ATRNL1: variants seen among roughly 807,000 people sequenced by gnomAD.
ATRNL1 encodes the protein attractin-like protein 1.
ATRNL1 carries 95 observed loss-of-function variants against 182.7 expected under a neutral mutation model. The observed-to-expected ratio is 0.52, with a 90% CI of 0.44 to 0.62. The LOEUF (loss-of-function observed/expected upper bound fraction) is 0.62, where lower values mean the gene tolerates loss of function less well. Among genes scored for constraint, ATRNL1 ranks in the 20% least tolerant of loss-of-function variants. The probability of loss-of-function intolerance (pLI) is 0.00; values close to 1 mark genes in which losing one functional copy is unlikely to be tolerated. For missense variants in ATRNL1, 1,471 were observed against 1,679.5 expected (o/e 0.88, Z 2.17); for synonymous variants, 576 against 568.3 (o/e 1.01, Z -0.19).
At chr10:115,103,512 G>A (rs568728785) in intron 1 of ATRNL1, among the ~76,000 whole-genome samples, 51 of 151,930 alleles carry the variant, frequency 3.4e-4, no homozygotes, top group East Asian at 1.7e-3. Context: ...TTGTGGTTAC[G>A]TTATAGGTGT....
intron 19 of ATRNL1, among the ~76,000 whole-genome samples, chr10:115,389,999 T>A (rs1158660504): frequency 2.0e-5 from 3 of 152,018 alleles, no homozygotes; most frequent in South Asian, 2.1e-4. Context: ...TGTCTGCTTT[T>A]AAAAAAAATT....
At chr10:115,128,294 T>C (rs1387225290) in intron 4 of ATRNL1, 1 of 155,322 alleles carries the variant, frequency 6.4e-6, no homozygotes, top group Non-Finnish European at 1.4e-5. Context: ...ATTATATGCC[T>C]GATACTTTAT....
At chr10:115,304,994 T>C (rs180711852) in intron 17 of ATRNL1, among the ~76,000 whole-genome samples, 111 of 152,082 alleles carry the variant, frequency 7.3e-4, no homozygotes, top group Non-Finnish European at 1.3e-3. Flanking sequence ...CTGCCTAAAA[T>C]AATTTCTTAA....
chr10:115,802,021 A>AAC lies in ATRNL1; in HGVS notation c.3904-45832_3904-45831dup, dbSNP rs60513803. 2.4e-3 allele frequency among the ~76,000 whole-genome samples: 303 copies of AAC among 125,978 alleles called. 5 individuals carry two copies. The highest frequency in any genetic ancestry group is 4.7e-3 in the East Asian group (19 of 4,066). 82.6% of individuals were successfully genotyped at this position (125,978 alleles called of 152,430 possible). ...AAAAACTTGCCTTAAAAAAAAAAGAAACACACACACACACACACACACACA... is the reference window on the plus strand; with the variant it reads ...AAAAACTTGCCTTAAAAAAAAAAGAAACACACACACACACACACACACACACA... On this transcript the variant is annotated intron_variant, in intron 27 of 28. Coordinates refer to ENST00000355044, the MANE Select transcript of ATRNL1 (RefSeq NM_207303.4).
At chr10:115,202,207 A>G (rs1554892568) in intron 8 of ATRNL1, among the ~76,000 whole-genome samples, 1 of 151,916 alleles carries the variant, frequency 6.6e-6, no homozygotes, top group African/African-American at 2.4e-5. Flanking sequence ...TCTTTTCCTA[A>G]TTGAATACCC....
At chr10:115,935,629 G>T (rs1053945518) in intron 28 of ATRNL1, among the ~76,000 whole-genome samples, 4 of 152,010 alleles carry the variant, frequency 2.6e-5, no homozygotes, top group African/African-American at 9.7e-5. Context: ...TCATTTAACC[G>T]CTCCGTGCCT....
In ATRNL1 at chr10:115,093,629, G is replaced by T; in HGVS notation, c.-122G>T. 2 of 1,142,756 alleles carry T rather than the reference G, an allele frequency of 1.8e-6. No individual in the cohort carries two copies. Among genetic ancestry groups the T allele is most frequent in the Non-Finnish European group, 2.5e-6 (2 of 801,004 alleles). The allele number at this position is 1,142,756 out of a possible 1,614,324, so 70.8% of individuals were successfully genotyped here. On this transcript the variant is annotated 5_prime_UTR_variant, in exon 1 of 29. Transcript: ENST00000355044. The surrounding 1 kb of genome is among the most constrained non-coding windows in gnomAD (Gnocchi z 6.1). Reference sequence around the variant, plus strand: ...CCTGACCGGGGAGCGGGACTCGGACGGGCGCCGGTGAGGAGGAGGAGAAGC... The same window carrying T: ...CCTGACCGGGGAGCGGGACTCGGACTGGCGCCGGTGAGGAGGAGGAGAAGC...
chr10:115,694,792 T>C (rs2133980474), intron 26 of ATRNL1, among the ~76,000 whole-genome samples: 1 of 152,122 alleles, frequency 6.6e-6, no homozygotes, highest in South Asian at 2.1e-4. Context: ...CTAGTCTAAA[T>C]AAAAGATTCA....
Position 115,944,864 on chromosome 10 carries a change from G to T in ATRNL1, c.*85G>T. The T allele has an allele frequency of 6.8e-7, 1 of 1,462,030 alleles. No individual in the cohort carries two copies. The highest frequency in any genetic ancestry group is 9.2e-7 in the Non-Finnish European group (1 of 1,092,130). The allele number at this position is 1,462,030 out of a possible 1,614,324, so 90.6% of individuals were successfully genotyped here. A position where few individuals can be genotyped will look rare whatever the true frequency, so the allele number is the denominator to read the frequency against. ...GTTCTATGGCCTTGGATTTTATGGA[G>T]GCAGATCTCTGTATCATCCAGAGCC... is the stretch of plus-strand genomic sequence containing the variant. On this transcript the variant is annotated 3_prime_UTR_variant, in exon 29 of 29. Transcript: ENST00000355044.
chr10:115,573,960 C>T (rs952383981), intron 26 of ATRNL1, among the ~76,000 whole-genome samples: 15 of 152,130 alleles, frequency 9.9e-5, no homozygotes, highest in African/African-American at 3.4e-4. Context: ...AAAGATACTT[C>T]TGTGTCCGAT....
At chr10:115,291,642 C>G (rs192492909) in intron 15 of ATRNL1, among the ~76,000 whole-genome samples, 2 of 151,882 alleles carry the variant, frequency 1.3e-5, no homozygotes, top group Non-Finnish European at 2.9e-5. Context: ...GTCCTTCTAT[C>G]GATGTGATAT....
At chr10:115,850,702 G>A (rs1951034194) in intron 28 of ATRNL1, among the ~76,000 whole-genome samples, 1 of 152,148 alleles carries the variant, frequency 6.6e-6, no homozygotes, top group African/African-American at 2.4e-5. Context: ...AGGAGACTTG[G>A]GAAATGTGAC....
chr10:115,317,217 G>A (rs2134018953), intron 18 of ATRNL1, among the ~76,000 whole-genome samples: 1 of 152,290 alleles, frequency 6.6e-6, no homozygotes, highest in East Asian at 1.9e-4. Context: ...TTGAAGATCA[G>A]ATGGTTGTAG....
intron 27 of ATRNL1, 139 bp downstream of exon 27, chr10:115,727,494 A>G (rs997489719): frequency 1.5e-5 from 10 of 656,690 alleles, no homozygotes; most frequent in Non-Finnish European, 2.6e-5. Context: ...ATGTTATGCC[A>G]TTTTCAAGGC....
chr10:115,188,544 T>C (rs1848045134), intron 8 of ATRNL1, among the ~76,000 whole-genome samples: 1 of 152,182 alleles, frequency 6.6e-6, no homozygotes, highest in Non-Finnish European at 1.5e-5. Context: ...AAGGTGAGTA[T>C]AATATTAATG....
At chr10:115,572,388 G>A (rs1261841238) in intron 26 of ATRNL1, among the ~76,000 whole-genome samples, 1 of 151,898 alleles carries the variant, frequency 6.6e-6, no homozygotes, top group East Asian at 1.9e-4. Flanking sequence ...TTGTTTTTGA[G>A]GTCAAATATA....
intron 26 of ATRNL1, among the ~76,000 whole-genome samples, chr10:115,625,537 G>C (rs1858039617): frequency 6.6e-6 from 1 of 151,844 alleles, no homozygotes. Flanking sequence ...AAAAAGTTTA[G>C]AAAAGAAAGA....
chr10:115,286,166 C>A, intron 14 of ATRNL1, 50 bp from the exon 15 acceptor site: 1 of 843,400 alleles, frequency 1.2e-6, no homozygotes, highest in South Asian at 1.7e-5. Context: ...TTGAAAAATA[C>A]ATTTGCTTTT....
At chr10:115,576,189 AGT>A (rs1320186254) in intron 26 of ATRNL1, among the ~76,000 whole-genome samples, 1 of 152,182 alleles carries the variant, frequency 6.6e-6, no homozygotes, top group East Asian at 1.9e-4. Flanking sequence ...ATAATGCTGC[AGT>A]GAACATGGAT....
Sources: gnomAD v4.1 joint callset for allele counts (sites outside exome capture counted in the v4.1 genomes callset) on GRCh38, gnomAD v4.1.1 for gene constraint, Gnocchi (gnomAD v3.1) non-coding constraint, MANE v1.5 for transcripts, NCBI Gene and HGNC (gene_info 2026-07-23, HGNC 2026-07-21) for gene names.